Variants in RFX3 observed in about 807,000 individuals in gnomAD.
The protein encoded by RFX3 is regulatory factor X3.
A neutral mutation model predicts 98.6 loss-of-function variants in RFX3; 14 were observed. The ratio of observed to expected loss-of-function variants is 0.14; its 90% CI spans 0.09 to 0.22. RFX3 has a LOEUF of 0.22. Ranked by LOEUF, RFX3 falls within the 10% of genes least tolerant of loss-of-function variation. The probability of loss-of-function intolerance (pLI) is 1.00; values close to 1 mark genes in which losing one functional copy is unlikely to be tolerated. For synonymous variants in RFX3, 383 were observed against 328.4 expected (o/e 1.17, Z -1.80); for missense variants, 639 against 926.9 (o/e 0.69, Z 4.03).
chr9:3,388,157 T>C (rs1839923260), intron 2 of RFX3, among the ~76,000 whole-genome samples: 1 of 152,008 alleles, frequency 6.6e-6, no homozygotes, highest in Admixed American at 6.6e-5. Context: ...CAAACAGAAG[T>C]GAAGATGGAA....
intron 1 of RFX3, among the ~76,000 whole-genome samples, chr9:3,504,898 T>G (rs1816684148): frequency 1.8e-5 from 1 of 56,004 alleles, no homozygotes; most frequent in Non-Finnish European, 2.6e-5. Flanking sequence ...ATATAACATA[T>G]ATTATATATA....
At chr9:3,489,369 CT>C in intron 1 of RFX3, 2 of 962,126 alleles carry the variant, frequency 2.1e-6, no homozygotes, top group Non-Finnish European at 1.2e-6. Context: ...CTTTTTTCAC[CT>C]TTCTGAATGG....
chr9:3,503,954 C>T (rs1816333766), intron 1 of RFX3, among the ~76,000 whole-genome samples: 1 of 151,426 alleles, frequency 6.6e-6, no homozygotes, highest in South Asian at 2.1e-4. Context: ...GTAATTTTTA[C>T]TTTTAACACT....
chr9:3,223,314 G>GT lies in RFX3; in HGVS notation c.*1727dup, dbSNP rs1563757555. 1 of 152,184 alleles carries GT rather than the reference G, an allele frequency of 6.6e-6. No homozygotes were observed. Among genetic ancestry groups the GT allele is most frequent in the Non-Finnish European group, 1.5e-5 (1 of 68,036 alleles). The allele number at this position is 152,184 out of a possible 1,614,324, so 9.4% of individuals were successfully genotyped here. A position where few individuals can be genotyped will look rare whatever the true frequency, so the allele number is the denominator to read the frequency against. On this transcript the variant is annotated 3_prime_UTR_variant, in exon 17 of 17. Coordinates refer to ENST00000617270, the MANE Select transcript of RFX3 (RefSeq NM_001282116.2). ...CATGCAAATTAAAATGGGGCTGGGT[G>GT]TAACTCTCTAGGATCTCACCTTCTG...
chr9:3,477,289 C>T (rs994031953), intron 1 of RFX3, among the ~76,000 whole-genome samples: 1 of 152,160 alleles, frequency 6.6e-6, no homozygotes, highest in Admixed American at 6.5e-5. Flanking sequence ...TTAACCATTC[C>T]TCTTTATTTC....
intron 3 of RFX3, among the ~76,000 whole-genome samples, chr9:3,342,735 C>T (rs973007900): frequency 6.6e-5 from 10 of 151,906 alleles, no homozygotes; most frequent in African/African-American, 2.4e-4. Context: ...ACATGGTATG[C>T]AATGTTTCCA....
At chr9:3,309,881 T>C (rs577689883) in intron 4 of RFX3, among the ~76,000 whole-genome samples, 1 of 152,202 alleles carries the variant, frequency 6.6e-6, no homozygotes, top group East Asian at 1.9e-4. Flanking sequence ...CACTGGAGCA[T>C]TGAGAGATTC....
intron 15 of RFX3, among the ~76,000 whole-genome samples, chr9:3,244,167 T>TA (rs751964215): frequency 6.6e-6 from 1 of 151,958 alleles, no homozygotes; most frequent in East Asian, 1.9e-4. Flanking sequence ...CACGCCCGCC[T>TA]AATTTTTTTT....
At chr9:3,308,429 G>C (rs1228111459) in intron 4 of RFX3, among the ~76,000 whole-genome samples, 1 of 152,186 alleles carries the variant, frequency 6.6e-6, no homozygotes, top group Non-Finnish European at 1.5e-5. Flanking sequence ...ATGTCAGAGT[G>C]GCTGGTCTCT....
At chr9:3,382,670 G>A (rs1392328731) in intron 2 of RFX3, among the ~76,000 whole-genome samples, 1 of 152,088 alleles carries the variant, frequency 6.6e-6, no homozygotes, top group African/African-American at 2.4e-5. Flanking sequence ...ATACACACCT[G>A]TTTTAAAAAT....
Position 3,310,953 on chromosome 9 carries a change from G to A in RFX3, c.475-9333C>T, listed in dbSNP as rs149326207. ...TTTCTAACTGGAAAAATTTAAATAT[G>A]ATCGATAAACGTTACTCAAAAATGA... On this transcript the variant is annotated intron_variant, in intron 4 of 16. Coordinates refer to ENST00000617270, the MANE Select transcript of RFX3 (RefSeq NM_001282116.2). Among the ~76,000 whole-genome samples, 498 of 152,162 alleles carry A rather than the reference G, an allele frequency of 3.3e-3. 1 individual carries two copies. Among genetic ancestry groups the A allele is most frequent in the Non-Finnish European group, 6.0e-3 (405 of 67,980 alleles).
chr9:3,377,895 T>C (rs1838728086), intron 2 of RFX3, among the ~76,000 whole-genome samples: 1 of 152,208 alleles, frequency 6.6e-6, no homozygotes, highest in Admixed American at 6.5e-5. Context: ...CGGTAGTTTC[T>C]GAATTTTTTT....
rs71506632 is a variant in RFX3 at position 3,288,075 on chromosome 9, C to G, written c.851+56G>C. The G allele has an allele frequency of 8.4e-4, 1,312 of 1,558,126 alleles. 1 individual carries two copies. Among genetic ancestry groups the G allele is most frequent in the Middle Eastern group, 2.1e-3 (12 of 5,824 alleles). On this transcript the variant is annotated intron_variant, in intron 7 of 16. Coordinates refer to ENST00000617270, the MANE Select transcript of RFX3 (RefSeq NM_001282116.2). ...GGTATTTGTTCAGAAAAAAGGAGAC[C>G]CGAACAACTAAGAAATACATAGCTT...
At chr9:3,339,951 C>A (rs1487719439) in intron 3 of RFX3, among the ~76,000 whole-genome samples, 1 of 152,048 alleles carries the variant, frequency 6.6e-6, no homozygotes, top group African/African-American at 2.4e-5. Flanking sequence ...GCAAGTCAAT[C>A]CTAAGCCAAA....
At chr9:3,402,652 T>C (rs1320039016) in intron 1 of RFX3, among the ~76,000 whole-genome samples, 1 of 151,704 alleles carries the variant, frequency 6.6e-6, no homozygotes, top group Non-Finnish European at 1.5e-5. Flanking sequence ...TTCTGCAGCA[T>C]TTATATTTAT....
chr9:3,481,415 C>T (rs1849746381), intron 1 of RFX3, among the ~76,000 whole-genome samples: 1 of 151,956 alleles, frequency 6.6e-6, no homozygotes, highest in Non-Finnish European at 1.5e-5. Context: ...ATAGCAAACA[C>T]ATCTAACTAA....
intron 3 of RFX3, among the ~76,000 whole-genome samples, chr9:3,342,464 T>G (rs1343109618): frequency 6.6e-6 from 1 of 152,190 alleles, no homozygotes; most frequent in Non-Finnish European, 1.5e-5. Context: ...TGCATACTTT[T>G]GCATTTTAAA....
intron 1 of RFX3, among the ~76,000 whole-genome samples, chr9:3,480,648 T>C (rs780711794): frequency 1.4e-4 from 21 of 152,208 alleles, no homozygotes; most frequent in Non-Finnish European, 2.8e-4. Flanking sequence ...TTCTCTGTTC[T>C]TTCCCACAAT....
intron 1 of RFX3, among the ~76,000 whole-genome samples, chr9:3,496,051 A>C (rs1851086851): frequency 6.6e-6 from 1 of 152,034 alleles, no homozygotes; most frequent in African/African-American, 2.4e-5. Context: ...ACTGCTTCTA[A>C]GCAGAAGCTA....
Sources: gnomAD v4.1 joint callset for allele counts (sites outside exome capture counted in the v4.1 genomes callset) on GRCh38, gnomAD v4.1.1 for gene constraint, MANE v1.5 for transcripts, NCBI Gene and HGNC (gene_info 2026-07-23, HGNC 2026-07-21) for gene names.